The following KIF3C variants were observed in gnomAD, a reference collection of about 807,000 sequenced individuals.
The protein encoded by KIF3C is kinesin family member 3C.
A neutral mutation model predicts 67.7 loss-of-function variants in KIF3C; 12 were observed. That is an observed-to-expected ratio of 0.18 (90% CI 0.11 to 0.29). The LOEUF (loss-of-function observed/expected upper bound fraction) is 0.29. KIF3C is among the 10% of genes least tolerant of loss of function. The probability of loss-of-function intolerance (pLI) is 1.00; values close to 1 mark genes in which losing one functional copy is unlikely to be tolerated. For missense variants in KIF3C, 789 were observed against 1,059.6 expected (o/e 0.74, Z 3.55); for synonymous variants, 393 against 426.2 (o/e 0.92, Z 0.96).
chr2:25,977,252 T>C (rs1048749151), intron 1 of KIF3C, among the ~76,000 whole-genome samples: 1 of 151,666 alleles, frequency 6.6e-6, no homozygotes, highest in Non-Finnish European at 1.5e-5. Context: ...GCCTGGGAGG[T>C]GGCAGGCAGG....
chr2:25,951,539 G>A (rs994746793), intron 5 of KIF3C: 7 of 426,112 alleles, frequency 1.6e-5, no homozygotes, highest in South Asian at 5.6e-5. Context: ...CCTCCCTCCC[G>A]AGATCCCTCA....
rs946121735 is a variant in KIF3C, at chr2:25,952,063, G to A, written c.1890-158C>T. 36 of 582,284 alleles carry A rather than the reference G, an allele frequency of 6.2e-5. 1 individual carries two copies. In the Admixed American group the frequency reaches 7.2e-4, roughly 12 times the overall value. 36.1% of individuals were successfully genotyped at this position (582,284 alleles called of 1,614,324 possible). ...TCCCAGCACTTTGGGAGACCAAGGC[G>A]GGCGGATCACGAGGTCAGGAGATCA... On this transcript the variant is annotated intron_variant, in intron 4 of 7. Coordinates refer to ENST00000264712, the MANE Select transcript of KIF3C (RefSeq NM_002254.8).
intron 1 of KIF3C, among the ~76,000 whole-genome samples, chr2:25,976,587 C>T (rs1378562659): frequency 6.6e-6 from 1 of 152,002 alleles, no homozygotes; most frequent in African/African-American, 2.4e-5. Context: ...TCATGAAACC[C>T]CGTCTCTACT....
chr2:25,932,146 C>T (rs181303198), intron 5 of KIF3C, among the ~76,000 whole-genome samples: 6 of 151,796 alleles, frequency 4.0e-5, no homozygotes, highest in African/African-American at 7.2e-5. Context: ...GTATTACAGG[C>T]GCATGCCACC....
intron 7 of KIF3C, 69 bp from the exon 8 acceptor site, chr2:25,929,140 T>C: frequency 2.1e-6 from 3 of 1,460,610 alleles, no homozygotes; most frequent in Non-Finnish European, 2.9e-6. Flanking sequence ...GTGGGTCCTC[T>C]CCTTTGCCCC....
At chr2:25,947,915 T>G (rs1663488763) in intron 5 of KIF3C, among the ~76,000 whole-genome samples, 1 of 152,202 alleles carries the variant, frequency 6.6e-6, no homozygotes, top group Admixed American at 6.5e-5. Context: ...AGATGAAGTC[T>G]CATTCTGTCG....
intron 5 of KIF3C, among the ~76,000 whole-genome samples, chr2:25,932,010 T>G (rs1250886374): frequency 3.3e-5 from 5 of 149,674 alleles, no homozygotes; most frequent in East Asian, 1.9e-4. Flanking sequence ...TTTGTTTTTT[T>G]TTTTTTTTTT....
rs1206060486 is a variant in KIF3C, at chr2:25,927,864, T to C, written c.*1114A>G. 1 of 152,522 alleles carries C rather than the reference T, an allele frequency of 6.6e-6. No homozygotes were observed. The highest frequency in any genetic ancestry group is 1.5e-5 in the Non-Finnish European group (1 of 67,998). The allele number at this position is 152,522 out of a possible 1,614,324, so 9.4% of individuals were successfully genotyped here. On this transcript the variant is annotated 3_prime_UTR_variant, in exon 8 of 8. Coordinates refer to ENST00000264712, the MANE Select transcript of KIF3C (RefSeq NM_002254.8). ...CAAAGGAAGGTAAGGAGTATCCCCC[T>C]AGGAACCAATTTGCGTAACTAGTGA...
At chr2:25,952,369 G>C (rs1377215384) in intron 4 of KIF3C, among the ~76,000 whole-genome samples, 1 of 151,930 alleles carries the variant, frequency 6.6e-6, no homozygotes, top group African/African-American at 2.4e-5. Context: ...TGGAGGTGGG[G>C]AAAATCAAGA....
rs1441703862 is a variant in KIF3C, at chr2:25,935,243, T to TA, written c.2007-5181dup. Among the ~76,000 whole-genome samples, 212 of 151,350 alleles carry TA rather than the reference T, an allele frequency of 1.4e-3. 2 individuals carry two copies. Among genetic ancestry groups the TA allele is most frequent in the African/African-American group, 4.7e-3 (194 of 41,292 alleles). On this transcript the variant is annotated intron_variant, in intron 5 of 7. Coordinates refer to ENST00000264712, the MANE Select transcript of KIF3C (RefSeq NM_002254.8). ...TGGACAACAGAGTGAGACTCAGTCT[T>TA]AAAAAAAAATAAATAATAAAATTTT... is the stretch of plus-strand genomic sequence containing the variant.
rs772831837 is a variant in KIF3C at position 25,980,363 on chromosome 2, G to C, written c.1545+10C>G. ...ACATCTCGAGTGCCCAGCTCCTCTG[G>C]GGCCCTTACCTTGTACTTGGCCGCA... On this transcript the variant is annotated intron_variant, in intron 1 of 7. Coordinates refer to ENST00000264712, the MANE Select transcript of KIF3C (RefSeq NM_002254.8). The surrounding 1 kb of genome is among the most constrained non-coding windows in gnomAD (Gnocchi z 7.6). 39 of 1,605,756 alleles carry C rather than the reference G, an allele frequency of 2.4e-5. No individual in the cohort carries two copies. Among genetic ancestry groups the C allele is most frequent in the Non-Finnish European group, 3.1e-5 (37 of 1,175,090 alleles).
At chr2:25,961,077 T>C (rs1383964849) in intron 1 of KIF3C, among the ~76,000 whole-genome samples, 2 of 152,250 alleles carry the variant, frequency 1.3e-5, no homozygotes, top group African/African-American at 2.4e-5. Context: ...AATCAACATG[T>C]TTCCGGCAAG....
At chr2:25,936,622 T>C (rs1214327299) in intron 5 of KIF3C, among the ~76,000 whole-genome samples, 3 of 152,218 alleles carry the variant, frequency 2.0e-5, no homozygotes, top group Non-Finnish European at 4.4e-5. Flanking sequence ...CATGCTTATA[T>C]TTAACATTTT....
intron 5 of KIF3C, among the ~76,000 whole-genome samples, chr2:25,932,882 A>AC (rs1050718759): frequency 3.6e-5 from 5 of 140,574 alleles, no homozygotes; most frequent in African/African-American, 1.3e-4. Flanking sequence ...ACAAAACAAA[A>AC]CTTATTACAA....
chr2:25,955,782 GC>G lies in KIF3C; in HGVS notation c.1648-120del. On this transcript the variant is annotated intron_variant, in intron 2 of 7. Transcript: ENST00000264712. The surrounding 1 kb of genome is among the most constrained non-coding windows in gnomAD (Gnocchi z 5.0). Reference sequence around the variant, plus strand: ...GGACCTGGCTTCACCATGGCCCATGGCCCACATCCACTGCTCCCACCCAATC... The same window carrying G: ...GGACCTGGCTTCACCATGGCCCATGGCCACATCCACTGCTCCCACCCAATC... 1 of 1,208,282 alleles carries G rather than the reference GC, an allele frequency of 8.3e-7. No individual in the cohort carries two copies. The highest frequency in any genetic ancestry group is 1.2e-6 in the Non-Finnish European group (1 of 855,808). 74.8% of individuals were successfully genotyped at this position (1,208,282 alleles called of 1,614,324 possible).
At position 25,954,117 on chromosome 2, in the gene KIF3C, C is replaced by G. The variant is rs554929634; in HGVS notation, c.1889+150G>C. The G allele has an allele frequency of 5.0e-5, 34 of 683,508 alleles. No homozygotes were observed. The South Asian group carries it at 5.8e-4, about 12-fold the overall frequency. 42.3% of individuals were successfully genotyped at this position (683,508 alleles called of 1,614,324 possible). ...AGAGGAGGTAGAAGAAACTCCAGCA[C>G]GTGGGCCCATCCCTCAGCCCTCAGA... On this transcript the variant is annotated intron_variant, in intron 4 of 7. Transcript: ENST00000264712.
rs376920702 is a variant in KIF3C at position 25,980,322 on chromosome 2, G to A, written c.1545+51C>T. 181 of 1,461,116 alleles carry A rather than the reference G, an allele frequency of 1.2e-4. No individual in the cohort carries two copies. The highest frequency in any genetic ancestry group is 2.7e-4 in the African/African-American group (19 of 71,232). 90.5% of individuals were successfully genotyped at this position (1,461,116 alleles called of 1,614,324 possible). ...ACTCTCAAAGAAGAGCCTCCTTGCC[G>A]GGATCCCCTGCGGGGACATCTCGAG... On this transcript the variant is annotated intron_variant, in intron 1 of 7. Transcript: ENST00000264712. The surrounding 1 kb of genome is among the most constrained non-coding windows in gnomAD (Gnocchi z 7.6).
intron 1 of KIF3C, among the ~76,000 whole-genome samples, chr2:25,968,183 T>C (rs895132028): frequency 1.3e-5 from 2 of 152,210 alleles, no homozygotes; most frequent in African/African-American, 2.4e-5. Context: ...AATAATGCTA[T>C]TTTCAATGAT....
intron 4 of KIF3C, 173 bp downstream of exon 4, chr2:25,954,094 A>AG: frequency 1.5e-6 from 1 of 654,744 alleles, no homozygotes; most frequent in Non-Finnish European, 2.7e-6. Context: ...ATACAGGCAG[A>AG]GGAGGTAGAA....
Sources: gnomAD v4.1 joint callset for allele counts (sites outside exome capture counted in the v4.1 genomes callset) on GRCh38, gnomAD v4.1.1 for gene constraint, Gnocchi (gnomAD v3.1) non-coding constraint, MANE v1.5 for transcripts, NCBI Gene and HGNC (gene_info 2026-07-23, HGNC 2026-07-21) for gene names.